Variants in CAPN9 observed in about 807,000 individuals in gnomAD.
CAPN9 encodes the protein calpain 9, also known as calpain-9.
Under a neutral mutation model 92.8 loss-of-function variants are expected in CAPN9, and 81 were observed. The ratio of observed to expected loss-of-function variants is 0.87; its 90% CI spans 0.73 to 1.05. The LOEUF (loss-of-function observed/expected upper bound fraction) is 1.05. Ranked by LOEUF, CAPN9 falls within the 50% of genes least tolerant of loss-of-function variation. CAPN9 has a pLI of 0.00. For synonymous variants in CAPN9, 304 were observed against 328.0 expected, an observed-to-expected ratio of 0.93 and a Z score of 0.79; for missense variants, 848 against 866.2, an observed-to-expected ratio of 0.98 and a Z score of 0.26.
intron 8 of CAPN9, among the ~76,000 whole-genome samples, 179 bp downstream of exon 8, chr1:230,774,810 C>T (rs1243349763): frequency 6.9e-6 from 1 of 144,590 alleles, no homozygotes; most frequent in Non-Finnish European, 1.5e-5. Flanking sequence ...GGTGCGATCT[C>T]GTCTCACTGC....
chr1:230,794,985 T>A, intron 17 of CAPN9, 178 bp from the exon 18 acceptor site: 1 of 585,154 alleles, frequency 1.7e-6, no homozygotes. Flanking sequence ...ACTCTCACGC[T>A]GCATTCACAC....
intron 18 of CAPN9, among the ~76,000 whole-genome samples, chr1:230,797,267 C>T (rs1215432506): frequency 6.6e-6 from 1 of 152,166 alleles, no homozygotes; most frequent in East Asian, 1.9e-4. Context: ...ATACATTTTC[C>T]CCCTAAATAA....
intron 1 of CAPN9, among the ~76,000 whole-genome samples, chr1:230,753,176 T>C (rs962937969): frequency 6.6e-6 from 1 of 152,092 alleles, no homozygotes; most frequent in Non-Finnish European, 1.5e-5. Context: ...AGTCATTTAA[T>C]GAAATGGCGC....
rs577169398 is a variant in CAPN9, at chr1:230,800,571, G to T, written c.2047-999G>T. Among the ~76,000 whole-genome samples the T allele has an allele frequency of 4.6e-5, 7 of 152,190 alleles. No individual in the cohort carries two copies. In the South Asian group the frequency reaches 1.2e-3, roughly 27 times the overall value. On this transcript the variant is annotated intron_variant, in intron 19 of 19. Coordinates refer to ENST00000271971, the MANE Select transcript of CAPN9 (RefSeq NM_006615.3). ...TAACGCAAGTGTCCACAGGTGTAGG[G>T]GCTGGAATAGGCTCCTGCCCTGCCC... is the stretch of plus-strand genomic sequence containing the variant.
In CAPN9 at chr1:230,780,649, G is replaced by T. The variant is rs779973457; in HGVS notation, c.1422G>T (p.Glu474Asp). Residue 474 changes from glutamate (E) to aspartate (D), a missense_variant, in exon 11 of 20, where the codon GAG becomes GAT. Coordinates refer to ENST00000271971, the MANE Select transcript of CAPN9 (RefSeq NM_006615.3). ...GEYILIPSTF[E>D]PHQEADFCLR... ...ACATCCTGATTCCCAGCACTTTTGA[G>T]CCCCACCAGGAAGCTGATTTCTGTC... is the stretch of plus-strand genomic sequence containing the variant. 5.0e-6 allele frequency: 8 copies of T among 1,613,958 alleles called. No individual in the cohort carries two copies. Among genetic ancestry groups the T allele is most frequent in the African/African-American group, 1.3e-5 (1 of 74,878 alleles).
chr1:230,755,433 G>T (rs199650002), intron 2 of CAPN9, 27 bp downstream of exon 2: 1 of 1,568,456 alleles, frequency 6.4e-7, no homozygotes, highest in African/African-American at 1.4e-5. Context: ...GGAGCATGGC[G>T]AGAGGGAGGT....
At chr1:230,762,556 A>T in intron 3 of CAPN9, 97 bp from the exon 4 acceptor site, 1 of 1,435,894 alleles carries the variant, frequency 7.0e-7, no homozygotes, top group Non-Finnish European at 9.5e-7. Context: ...TAGCTTGGTC[A>T]GAGGGGAAAA....
At chr1:230,753,059 T>C (rs3000062) in intron 1 of CAPN9, among the ~76,000 whole-genome samples, 63,686 of 151,934 alleles carry the variant, frequency 0.42, 13,481 homozygotes, top group Non-Finnish European at 0.43. Flanking sequence ...AAGAGCAGTG[T>C]GCTTCCTACA....
rs56677043 is a variant in CAPN9, at chr1:230,800,231, GAAGAAAGAAAGAAAGAAAGA to G, written c.2047-1283_2047-1264del. 6.7e-3 allele frequency among the ~76,000 whole-genome samples: 343 copies of G among 51,506 alleles called. 5 individuals are homozygous for G. Among genetic ancestry groups the G allele is most frequent in the East Asian group, 0.019 (48 of 2,584 alleles). 33.8% of individuals were successfully genotyped at this position (51,506 alleles called of 152,430 possible). ...AAAAGAAAGAAAAATAAGAAAGAAAGAAGAAAGAAAGAAAGAAAGAAAGAAAGAAAGAAAGAAAGAAAGAA... is the reference window on the plus strand; with the variant it reads ...AAAAGAAAGAAAAATAAGAAAGAAAGAAGAAAGAAAGAAAGAAAGAAAGAA... On this transcript the variant is annotated intron_variant, in intron 19 of 19. Coordinates refer to ENST00000271971, the MANE Select transcript of CAPN9 (RefSeq NM_006615.3).
intron 1 of CAPN9, 25 bp from the exon 2 acceptor site, chr1:230,755,312 C>G (rs772890425): frequency 6.3e-7 from 1 of 1,595,270 alleles, no homozygotes; most frequent in Non-Finnish European, 8.6e-7. Flanking sequence ...CAGGCCTCAG[C>G]CTAATAACAC....
intron 16 of CAPN9, 39 bp downstream of exon 16, chr1:230,792,533 C>T (rs898258694): frequency 6.6e-7 from 1 of 1,506,910 alleles, no homozygotes; most frequent in Non-Finnish European, 9.2e-7. Context: ...CTGGGGGACC[C>T]AGTGAACCTA....
At chr1:230,800,909 A>G (rs893726723) in intron 19 of CAPN9, among the ~76,000 whole-genome samples, 1 of 152,186 alleles carries the variant, frequency 6.6e-6, no homozygotes, top group Non-Finnish European at 1.5e-5. Flanking sequence ...CCTCACCTGC[A>G]ATCACTTTCC....
intron 3 of CAPN9, 26 bp downstream of exon 3, chr1:230,759,656 G>C (rs1355765556): frequency 2.0e-6 from 3 of 1,505,606 alleles, no homozygotes; most frequent in South Asian, 2.4e-5. Context: ...GGGCCAGTGG[G>C]TTTACCTCTC....
intron 4 of CAPN9, among the ~76,000 whole-genome samples, chr1:230,765,212 GACACACACACACAC>G (rs56286310): frequency 2.1e-3 from 280 of 132,136 alleles, no homozygotes; most frequent in East Asian, 5.3e-3. Context: ...ACACATGCAA[GACACACACACACAC>G]ACACACACAC....
chr1:230,793,999 C>A (rs1254834610), intron 17 of CAPN9, among the ~76,000 whole-genome samples: 1 of 152,126 alleles, frequency 6.6e-6, no homozygotes, highest in East Asian at 1.9e-4. Flanking sequence ...AGGCTGGCAG[C>A]CAGCACTGCC....
chr1:230,787,056 A>T (rs1485092007), intron 12 of CAPN9, among the ~76,000 whole-genome samples: 1 of 152,194 alleles, frequency 6.6e-6, no homozygotes, highest in Non-Finnish European at 1.5e-5. Flanking sequence ...AAACCAAAGA[A>T]ACCAAAAATC....
At chr1:230,765,212 GACACACACACAC>G (rs56286310) in intron 4 of CAPN9, among the ~76,000 whole-genome samples, 13,256 of 132,094 alleles carry the variant, frequency 0.1, 759 homozygotes, top group East Asian at 0.24. Flanking sequence ...ACACATGCAA[GACACACACACAC>G]ACACACACAC....
chr1:230,788,465 G>A (rs1369391671), intron 13 of CAPN9, among the ~76,000 whole-genome samples: 1 of 152,150 alleles, frequency 6.6e-6, no homozygotes, highest in Non-Finnish European at 1.5e-5. Flanking sequence ...TAAATACAAT[G>A]AGCTGATGAA....
At chr1:230,767,396 G>A in intron 4 of CAPN9, 145 bp from the exon 5 acceptor site, 2 of 609,702 alleles carry the variant, frequency 3.3e-6, no homozygotes, top group South Asian at 2.6e-5. Flanking sequence ...CTGATAACTT[G>A]CTTCCCGTCT....
Sources: gnomAD v4.1 joint callset for allele counts (sites outside exome capture counted in the v4.1 genomes callset) on GRCh38, gnomAD v4.1.1 for gene constraint, MANE v1.5 for transcripts, NCBI Gene and HGNC (gene_info 2026-07-23, HGNC 2026-07-21) for gene names.